The following ADCY8 variants were observed in gnomAD, a reference collection of about 807,000 sequenced individuals.
ADCY8 encodes adenylate cyclase type 8.
ADCY8 carries 51 observed loss-of-function variants against 119.7 expected under a neutral mutation model. That is an observed-to-expected ratio of 0.43 (90% CI 0.34 to 0.54). ADCY8 has a LOEUF of 0.54. ADCY8 is among the 20% of genes least tolerant of loss of function. The probability of loss-of-function intolerance (pLI) is 0.03; values close to 1 mark genes in which losing one functional copy is unlikely to be tolerated. For synonymous variants in ADCY8, 665 were observed against 651.0 expected (o/e 1.02, Z -0.33); for missense variants, 1,383 against 1,598.8 (o/e 0.87, Z 2.30).
At chr8:131,026,152 G>A (rs1169118901) in intron 1 of ADCY8, among the ~76,000 whole-genome samples, 1 of 152,176 alleles carries the variant, frequency 6.6e-6, no homozygotes. Context: ...TAACCCTAAG[G>A]TGATGGAATT....
intron 2 of ADCY8, among the ~76,000 whole-genome samples, chr8:130,983,330 T>C (rs920371219): frequency 2.6e-5 from 4 of 152,088 alleles, no homozygotes; most frequent in African/African-American, 9.7e-5. Context: ...AAGATAAATG[T>C]ATGGACGTCT....
chr8:130,814,827 G>A (rs533405716), intron 13 of ADCY8, among the ~76,000 whole-genome samples: 9 of 152,252 alleles, frequency 5.9e-5, no homozygotes, highest in African/African-American at 2.2e-4. Flanking sequence ...TTGACATATG[G>A]GGATTATTAT....
chr8:131,020,119 C>T (rs183163236), intron 1 of ADCY8, among the ~76,000 whole-genome samples: 9 of 152,096 alleles, frequency 5.9e-5, no homozygotes, highest in African/African-American at 2.2e-4. Context: ...TTACCACTAC[C>T]TGAGGGAGAG....
At chr8:130,966,346 T>C (rs927200088) in intron 2 of ADCY8, among the ~76,000 whole-genome samples, 1 of 152,162 alleles carries the variant, frequency 6.6e-6, no homozygotes, top group African/African-American at 2.4e-5. Flanking sequence ...AAACAATGAC[T>C]CCTGCCTAAC....
intron 3 of ADCY8, among the ~76,000 whole-genome samples, chr8:130,950,001 G>T (rs1272398985): frequency 6.6e-6 from 1 of 152,188 alleles, no homozygotes; most frequent in Non-Finnish European, 1.5e-5. Flanking sequence ...CCGCTGAAGG[G>T]TTGTGTTAGA....
chr8:130,841,227 A>C (rs541719428), intron 11 of ADCY8, among the ~76,000 whole-genome samples: 3 of 152,314 alleles, frequency 2.0e-5, no homozygotes, highest in African/African-American at 4.8e-5. Context: ...GAATGACTTT[A>C]TGTGTTTCAT....
At chr8:130,975,643 A>G (rs898666447) in intron 2 of ADCY8, among the ~76,000 whole-genome samples, 3 of 152,230 alleles carry the variant, frequency 2.0e-5, no homozygotes, top group African/African-American at 7.2e-5. Context: ...GATTATTCCA[A>G]TGTAATAGAT....
At chr8:130,793,060 G>C (rs1366117586) in intron 15 of ADCY8, among the ~76,000 whole-genome samples, 1 of 152,104 alleles carries the variant, frequency 6.6e-6, no homozygotes. Flanking sequence ...GATGCAGCTG[G>C]CTCACCCCTA....
At chr8:130,817,743 T>C (rs977948880) in intron 13 of ADCY8, among the ~76,000 whole-genome samples, 4 of 152,170 alleles carry the variant, frequency 2.6e-5, no homozygotes, top group African/African-American at 9.6e-5. Context: ...AAAAAACTTA[T>C]GGGGAAACTT....
intron 11 of ADCY8, among the ~76,000 whole-genome samples, chr8:130,843,796 C>T (rs1045795761): frequency 6.6e-6 from 1 of 152,046 alleles, no homozygotes; most frequent in Non-Finnish European, 1.5e-5. Flanking sequence ...TCACTCCTTA[C>T]GTCAATAAAT....
intron 5 of ADCY8, 110 bp downstream of exon 5, chr8:130,936,962 CA>C (rs1173994200): frequency 7.5e-7 from 1 of 1,333,776 alleles, no homozygotes; most frequent in East Asian, 2.5e-5. Flanking sequence ...TGAAATAAGT[CA>C]AAAGGTTCTG....
chr8:130,937,335 T>C, intron 4 of ADCY8, 135 bp from the exon 5 acceptor site: 6 of 802,346 alleles, frequency 7.5e-6, no homozygotes, highest in African/African-American at 1.7e-5. Flanking sequence ...TGAAATATAC[T>C]TCTACCTGTC....
At chr8:130,874,852 C>G (rs1406789936) in intron 8 of ADCY8, among the ~76,000 whole-genome samples, 1 of 152,108 alleles carries the variant, frequency 6.6e-6, no homozygotes, top group African/African-American at 2.4e-5. Context: ...CTTCACTGGT[C>G]CAGCCCCCCA....
chr8:130,803,137 A>G (rs1348803073), intron 14 of ADCY8, among the ~76,000 whole-genome samples: 2 of 152,164 alleles, frequency 1.3e-5, no homozygotes, highest in African/African-American at 4.8e-5. Context: ...AAAGACACAA[A>G]CCCTGTTCTA....
At chr8:130,949,992 C>T (rs2130654485) in intron 3 of ADCY8, among the ~76,000 whole-genome samples, 1 of 152,252 alleles carries the variant, frequency 6.6e-6, no homozygotes, top group Admixed American at 6.5e-5. Context: ...CTGCTATGCC[C>T]GCTGAAGGGT....
intron 9 of ADCY8, among the ~76,000 whole-genome samples, chr8:130,866,654 T>G (rs1818133780): frequency 6.6e-6 from 1 of 152,224 alleles, no homozygotes; most frequent in South Asian, 2.1e-4. Context: ...AATTTTTCCT[T>G]GAGTCATGTG....
chr8:130,910,016 C>T, intron 5 of ADCY8, 150 bp from the exon 6 acceptor site: 1 of 699,542 alleles, frequency 1.4e-6, no homozygotes, highest in Non-Finnish European at 2.3e-6. Context: ...CCTCTGCCTC[C>T]CGGGTTCACG....
chr8:130,976,760 A>G (rs1822084114), intron 2 of ADCY8, among the ~76,000 whole-genome samples: 1 of 152,206 alleles, frequency 6.6e-6, no homozygotes, highest in Non-Finnish European at 1.5e-5. Context: ...TTCAAATAAG[A>G]AGCCCTTTGC....
intron 3 of ADCY8, 56 bp downstream of exon 3, chr8:130,951,812 C>T (rs1821280005): frequency 1.3e-6 from 2 of 1,593,172 alleles, no homozygotes; most frequent in African/African-American, 1.3e-5. Flanking sequence ...GCAATGAGAG[C>T]ACCCAAACAC....
Sources: gnomAD v4.1 joint callset for allele counts (sites outside exome capture counted in the v4.1 genomes callset) on GRCh38, gnomAD v4.1.1 for gene constraint, MANE v1.5 for transcripts, NCBI Gene and HGNC (gene_info 2026-07-23, HGNC 2026-07-21) for gene names.